ADK: variants seen among roughly 807,000 people sequenced by gnomAD.
ADK encodes adenosine kinase.
Under a neutral mutation model 44.7 loss-of-function variants are expected in ADK, and 24 were observed. The ratio of observed to expected loss-of-function variants is 0.54; its 90% CI spans 0.39 to 0.76. ADK has a LOEUF of 0.76. Among genes scored for constraint, ADK ranks in the 30% least tolerant of loss-of-function variants. ADK has a pLI of 0.00. For synonymous variants in ADK, 128 were observed against 142.6 expected, an observed-to-expected ratio of 0.90 and a Z score of 0.73; for missense variants, 321 against 425.1, an observed-to-expected ratio of 0.76 and a Z score of 2.15.
At chr10:74,658,470 C>T (rs1227866904) in intron 9 of ADK, among the ~76,000 whole-genome samples, 4 of 152,160 alleles carry the variant, frequency 2.6e-5, no homozygotes, top group African/African-American at 9.7e-5. Flanking sequence ...CTCCCTCTGT[C>T]ACCCAGGCTG....
At chr10:74,661,634 T>A (rs1041520440) in intron 9 of ADK, among the ~76,000 whole-genome samples, 1 of 152,204 alleles carries the variant, frequency 6.6e-6, no homozygotes, top group African/African-American at 2.4e-5. Context: ...TTGCCTTACT[T>A]GATATATAAA....
At chr10:74,299,024 C>A (rs1839911373) in intron 3 of ADK, among the ~76,000 whole-genome samples, 2 of 152,148 alleles carry the variant, frequency 1.3e-5, no homozygotes, top group South Asian at 4.1e-4. Flanking sequence ...GTTACTGACA[C>A]TGATCAGTTA....
At chr10:74,454,355 C>G (rs1005093968) in intron 6 of ADK, among the ~76,000 whole-genome samples, 1 of 151,898 alleles carries the variant, frequency 6.6e-6, no homozygotes, top group Non-Finnish European at 1.5e-5. Context: ...ATGTGTTACT[C>G]ATTTATGCAA....
chr10:74,678,122 CAG>C (rs1355649750), intron 10 of ADK, among the ~76,000 whole-genome samples: 2 of 129,212 alleles, frequency 1.5e-5, no homozygotes, highest in African/African-American at 3.0e-5. Flanking sequence ...GTCTGGGCAA[CAG>C]GGGGAGACCC....
At chr10:74,328,756 C>A (rs186763985) in intron 4 of ADK, among the ~76,000 whole-genome samples, 2 of 152,234 alleles carry the variant, frequency 1.3e-5, no homozygotes, top group African/African-American at 4.8e-5. Context: ...TTTTCCAAGG[C>A]CTCCCCAGTC....
chr10:74,434,448 T>C (rs1845113283), intron 6 of ADK, among the ~76,000 whole-genome samples: 1 of 152,184 alleles, frequency 6.6e-6, no homozygotes, highest in Non-Finnish European at 1.5e-5. Flanking sequence ...AAGATGTTAA[T>C]TGGTTTTTAT....
chr10:74,302,101 G>T (rs144699727), intron 3 of ADK, among the ~76,000 whole-genome samples: 647 of 11,352 alleles, frequency 0.057, 23 homozygotes, highest in African/African-American at 0.15. Context: ...TTTTTTTTTT[G>T]TTTGTTTGTT....
At chr10:74,417,983 A>T (rs1381377394) in intron 6 of ADK, among the ~76,000 whole-genome samples, 1 of 152,122 alleles carries the variant, frequency 6.6e-6, no homozygotes, top group Non-Finnish European at 1.5e-5. Context: ...ATCTCATAGC[A>T]TATTTATATA....
At chr10:74,631,101 C>T (rs1471746734) in intron 9 of ADK, among the ~76,000 whole-genome samples, 1 of 152,034 alleles carries the variant, frequency 6.6e-6, no homozygotes, top group Admixed American at 6.6e-5. Context: ...ACCACAAGAT[C>T]TCCAGGTTCA....
chr10:74,157,839 C>A (rs1253722496), intron 1 of ADK, among the ~76,000 whole-genome samples: 1 of 152,112 alleles, frequency 6.6e-6, no homozygotes, highest in Non-Finnish European at 1.5e-5. Flanking sequence ...TTGGGGTGAG[C>A]CGAGATCGTG....
At chr10:74,476,789 G>A (rs147675920) in intron 6 of ADK, among the ~76,000 whole-genome samples, 5 of 152,018 alleles carry the variant, frequency 3.3e-5, no homozygotes, top group Non-Finnish European at 1.5e-5. Context: ...GCTCCTTTAC[G>A]GTAGTTGGTC....
chr10:74,627,865 G>C (rs1853269917), intron 9 of ADK, among the ~76,000 whole-genome samples: 1 of 152,132 alleles, frequency 6.6e-6, no homozygotes, highest in Non-Finnish European at 1.5e-5. Flanking sequence ...CCAAACTCCT[G>C]ACCTCAAGTG....
intron 4 of ADK, among the ~76,000 whole-genome samples, chr10:74,393,203 T>A (rs575845259): frequency 6.6e-6 from 1 of 152,276 alleles, no homozygotes; most frequent in African/African-American, 2.4e-5. Context: ...ACAGATTTTA[T>A]CAAAATCTAT....
chr10:74,348,379 A>C (rs527449178), intron 4 of ADK, among the ~76,000 whole-genome samples: 1 of 152,190 alleles, frequency 6.6e-6, no homozygotes, highest in South Asian at 2.1e-4. Flanking sequence ...AACAGAAAGC[A>C]ACAAACTCAA....
chr10:74,695,518 A>G (rs28665887), intron 10 of ADK, among the ~76,000 whole-genome samples: 3 of 148,900 alleles, frequency 2.0e-5, no homozygotes, highest in Non-Finnish European at 1.5e-5. Context: ...GTGTGTATAT[A>G]TGTATATGTA....
chr10:74,442,836 AAAG>A (rs1341566104), intron 6 of ADK, among the ~76,000 whole-genome samples: 1 of 152,214 alleles, frequency 6.6e-6, no homozygotes, highest in East Asian at 1.9e-4. Context: ...CAACCTTAAA[AAAG>A]AAGGAAATCC....
intron 6 of ADK, among the ~76,000 whole-genome samples, chr10:74,478,876 T>C (rs1846957550): frequency 6.6e-6 from 1 of 152,246 alleles, no homozygotes; most frequent in Admixed American, 6.5e-5. Flanking sequence ...TCGTTTCACA[T>C]TTTGAATTCC....
chr10:74,463,926 G>C (rs1846260946), intron 6 of ADK, among the ~76,000 whole-genome samples: 1 of 152,090 alleles, frequency 6.6e-6, no homozygotes, highest in African/African-American at 2.4e-5. Context: ...AAAACATACA[G>C]AGCCTAAATG....
intron 10 of ADK, among the ~76,000 whole-genome samples, chr10:74,695,533 T>C (rs1195277900): frequency 6.6e-6 from 1 of 151,220 alleles, no homozygotes; most frequent in Non-Finnish European, 1.5e-5. Flanking sequence ...TATGTATATA[T>C]GTATGTATAT....
Sources: allele counts gnomAD v4.1 joint callset (sites outside exome capture counted in the v4.1 genomes callset), GRCh38; gene constraint gnomAD v4.1.1; transcripts MANE v1.5; gene names NCBI Gene and HGNC (gene_info 2026-07-23, HGNC 2026-07-21).